SOS2: variants seen among roughly 807,000 people sequenced by gnomAD.
The protein encoded by SOS2 is SOS Ras/Rho guanine nucleotide exchange factor 2, also known as son of sevenless homolog 2.
Under a neutral mutation model 148.2 loss-of-function variants are expected in SOS2, and 65 were observed. The ratio of observed to expected loss-of-function variants is 0.44; its 90% CI spans 0.36 to 0.54. The LOEUF is 0.54. Ranked by LOEUF, SOS2 falls within the 20% of genes least tolerant of loss-of-function variation. The probability of loss-of-function intolerance (pLI) is 0.00; values close to 1 mark genes in which losing one functional copy is unlikely to be tolerated. For synonymous variants in SOS2, 539 were observed against 537.1 expected (o/e 1.00, Z -0.05); for missense variants, 1,341 against 1,590.2 (o/e 0.84, Z 2.67).
Position 50,140,027 on chromosome 14 carries a change from G to A in SOS2, c.2700C>T (p.Asp900=), listed in dbSNP as rs369410641. The change falls in exon 17 of 23, where the codon GAC becomes GAT. Residue 900 remains aspartate (D), a synonymous_variant. Transcript: ENST00000216373. ...GATCTTGACTTAATTCCACAGCTTC[G>A]TCCAAAATTTTCCTTTTCCTTTCCT... is the stretch of plus-strand genomic sequence containing the variant. ...ALQERKRKIL[D]EAVELSQDHF... 61 of 1,602,372 alleles carry A rather than the reference G, an allele frequency of 3.8e-5. No individual in the cohort carries two copies. Among genetic ancestry groups the A allele is most frequent in the Non-Finnish European group, 4.8e-5 (56 of 1,171,938 alleles).
At chr14:50,185,871 G>A (rs1013535100) in intron 5 of SOS2, among the ~76,000 whole-genome samples, 6 of 152,052 alleles carry the variant, frequency 3.9e-5, no homozygotes, top group African/African-American at 1.4e-4. Flanking sequence ...ATCCTTATTA[G>A]ATAGGTACTA....
intron 7 of SOS2, among the ~76,000 whole-genome samples, chr14:50,179,436 G>A (rs1333804635): frequency 2.0e-5 from 3 of 152,034 alleles, no homozygotes; most frequent in Admixed American, 1.3e-4. Context: ...CAAGGCTGGA[G>A]TGCAGTGGCG....
At chr14:50,132,879 C>T (rs1049768092) in intron 19 of SOS2, among the ~76,000 whole-genome samples, 2 of 152,126 alleles carry the variant, frequency 1.3e-5, no homozygotes, top group Non-Finnish European at 2.9e-5. Flanking sequence ...CTGCTCATCC[C>T]TCTCATTAAA....
At chr14:50,169,892 T>C (rs1372030916) in intron 8 of SOS2, among the ~76,000 whole-genome samples, 3 of 152,224 alleles carry the variant, frequency 2.0e-5, no homozygotes, top group African/African-American at 7.2e-5. Flanking sequence ...CACAAACTAC[T>C]GTTTTCATTT....
intron 5 of SOS2, 55 bp from the exon 6 acceptor site, chr14:50,182,661 A>G (rs571804454): frequency 2.1e-6 from 3 of 1,442,218 alleles, no homozygotes; most frequent in East Asian, 2.3e-5. Context: ...CTGCTAAAAA[A>G]TTACTAAATA....
At chr14:50,224,315 AC>A (rs1887295758) in intron 1 of SOS2, among the ~76,000 whole-genome samples, 1 of 9,354 alleles carries the variant, frequency 1.1e-4, no homozygotes, top group Non-Finnish European at 4.2e-4. Flanking sequence ...ATATATATAT[AC>A]ACACACACAC....
intron 18 of SOS2, among the ~76,000 whole-genome samples, chr14:50,135,264 C>T (rs1489321392): frequency 6.6e-6 from 1 of 151,618 alleles, no homozygotes; most frequent in Non-Finnish European, 1.5e-5. Context: ...AATTTGACAC[C>T]AGCCAGGGCA....
chr14:50,184,981 T>C (rs2036406941), intron 5 of SOS2, among the ~76,000 whole-genome samples: 1 of 152,148 alleles, frequency 6.6e-6, no homozygotes, highest in African/African-American at 2.4e-5. Flanking sequence ...GGAGGGTGGC[T>C]TGCCCAGAGA....
At chr14:50,225,829 G>T (rs1285532518) in intron 1 of SOS2, among the ~76,000 whole-genome samples, 1 of 152,114 alleles carries the variant, frequency 6.6e-6, no homozygotes, top group Admixed American at 6.6e-5. Flanking sequence ...AACCCAACAG[G>T]ACTTCCTATT....
Position 50,118,037 on chromosome 14 carries a change from T to G in SOS2, c.*307A>C, listed in dbSNP as rs1401549777. 1 of 247,164 alleles carries G rather than the reference T, an allele frequency of 4.0e-6. No homozygotes were observed. Among genetic ancestry groups the G allele is most frequent in the African/African-American group, 2.3e-5 (1 of 44,398 alleles). 15.3% of individuals were successfully genotyped at this position (247,164 alleles called of 1,614,324 possible). ...AATTTCACAAAAGCACTATCCCTTT[T>G]CAGTGCAATCATGTCACTTTAAACC... On this transcript the variant is annotated 3_prime_UTR_variant, in exon 23 of 23. Coordinates refer to ENST00000216373, the MANE Select transcript of SOS2 (RefSeq NM_006939.4).
At position 50,118,266 on chromosome 14, in the gene SOS2, CTA is replaced by C. The variant is rs543419068; in HGVS notation, c.*76_*77del. The C allele has an allele frequency of 3.1e-5, 37 of 1,195,264 alleles. No homozygotes were observed. In the East Asian group the frequency reaches 8.5e-4, roughly 28 times the overall value. 74.0% of individuals were successfully genotyped at this position (1,195,264 alleles called of 1,614,324 possible). On this transcript the variant is annotated 3_prime_UTR_variant, in exon 23 of 23. Transcript: ENST00000216373. ...ATTATTTGTAAAAAGTACTAAAATA[CTA>C]TGTCTTTTTTTGAATAAATTAAAAA... is the stretch of plus-strand genomic sequence containing the variant.
intron 1 of SOS2, among the ~76,000 whole-genome samples, chr14:50,224,314 T>TACACACACACACACAC (rs71118856): frequency 2.0e-5 from 2 of 101,032 alleles, no homozygotes; most frequent in South Asian, 3.3e-4. Flanking sequence ...AATATATATA[T>TACACACACACACACAC]ACACACACAC....
intron 1 of SOS2, among the ~76,000 whole-genome samples, chr14:50,207,900 CAAA>C (rs1400848534): frequency 1.2e-5 from 1 of 81,352 alleles, no homozygotes; most frequent in Admixed American, 1.4e-4. Context: ...GACTCCATCT[CAAA>C]AAAAAAAAAA....
At chr14:50,219,216 G>C (rs1887128993) in intron 1 of SOS2, among the ~76,000 whole-genome samples, 1 of 151,680 alleles carries the variant, frequency 6.6e-6, no homozygotes. Context: ...TTCATACAAA[G>C]ACTTGTACAC....
intron 22 of SOS2, 121 bp downstream of exon 22, chr14:50,120,153 AC>A: frequency 1.7e-6 from 1 of 589,568 alleles, no homozygotes. Flanking sequence ...AAATATAACA[AC>A]CCAAATGCTG....
intron 8 of SOS2, among the ~76,000 whole-genome samples, chr14:50,169,841 A>C (rs1488828052): frequency 2.6e-5 from 4 of 151,970 alleles, no homozygotes; most frequent in Admixed American, 2.6e-4. Flanking sequence ...TATAGATAAT[A>C]CTTTTTTGTT....
intron 1 of SOS2, among the ~76,000 whole-genome samples, chr14:50,205,427 CAT>C (rs1201146279): frequency 6.6e-6 from 1 of 152,110 alleles, no homozygotes; most frequent in Non-Finnish European, 1.5e-5. Flanking sequence ...TGAATAGCCT[CAT>C]AGTTAAGCAA....
At chr14:50,173,607 G>A (rs969738760) in intron 8 of SOS2, among the ~76,000 whole-genome samples, 1 of 152,062 alleles carries the variant, frequency 6.6e-6, no homozygotes, top group African/African-American at 2.4e-5. Flanking sequence ...ACATTTAGTA[G>A]AGACGGGGTT....
chr14:50,141,415 G>A (rs899553464), intron 16 of SOS2, among the ~76,000 whole-genome samples: 1 of 151,510 alleles, frequency 6.6e-6, no homozygotes, highest in East Asian at 1.9e-4. Flanking sequence ...CCACTACTCA[G>A]GAGACTAAGG....
Sources: allele counts gnomAD v4.1 joint callset (sites outside exome capture counted in the v4.1 genomes callset), GRCh38; gene constraint gnomAD v4.1.1; transcripts MANE v1.5; gene names NCBI Gene and HGNC (gene_info 2026-07-23, HGNC 2026-07-21).